The following MCF2L2 variants were observed in gnomAD, a reference collection of about 807,000 sequenced individuals.
MCF2L2 encodes MCF.2 cell line derived transforming sequence-like 2, also known as probable guanine nucleotide exchange factor MCF2L2.
Under a neutral mutation model 150.2 loss-of-function variants are expected in MCF2L2, and 102 were observed. The ratio of observed to expected loss-of-function variants is 0.68; its 90% CI spans 0.58 to 0.80. The LOEUF is 0.80. MCF2L2 is among the 30% of genes least tolerant of loss of function. The pLI, the probability that MCF2L2 is intolerant of heterozygous loss-of-function variation, is 0.00. For missense variants in MCF2L2, 1,256 were observed against 1,372.8 expected (o/e 0.91, Z 1.34); for synonymous variants, 465 against 491.3 (o/e 0.95, Z 0.71).
chr3:183,309,615 C>T lies in MCF2L2; in HGVS notation c.1113+101G>A. The stretch of plus-strand genomic sequence containing the variant: ...TGACTGAAGGGCAGGACTGGGCATT[C>T]CTGTGTCCTTTAGCAACCTTCCAAT... On this transcript the variant is annotated intron_variant, in intron 10 of 29. Coordinates refer to ENST00000328913, the MANE Select transcript of MCF2L2 (RefSeq NM_015078.4). 2.7e-6 allele frequency: 4 copies of T among 1,501,410 alleles called. No individual in the cohort carries two copies. In the Admixed American group the frequency reaches 6.8e-5, roughly 26 times the overall value. 93.0% of individuals were successfully genotyped at this position (1,501,410 alleles called of 1,614,324 possible). A position where few individuals can be genotyped will look rare whatever the true frequency, so the allele number is the denominator to read the frequency against.
At chr3:183,265,665 T>G (rs1726038636) in intron 15 of MCF2L2, 1 of 152,248 alleles carries the variant, frequency 6.6e-6, no homozygotes, top group Non-Finnish European at 1.5e-5. Context: ...TATGTTCAAT[T>G]TGGAGGAATT....
chr3:183,229,805 G>A (rs1723480068), intron 16 of MCF2L2, 24 bp from the exon 17 acceptor site: 4 of 1,087,288 alleles, frequency 3.7e-6, no homozygotes, highest in East Asian at 2.5e-5. Context: ...AACAAGGTAG[G>A]TGTTACAAAC....
chr3:183,248,644 G>A (rs752180394), intron 15 of MCF2L2, among the ~76,000 whole-genome samples: 10 of 152,024 alleles, frequency 6.6e-5, no homozygotes, highest in Non-Finnish European at 1.5e-4. Context: ...AGACCAGCCT[G>A]GGCAACATAG....
intron 25 of MCF2L2, among the ~76,000 whole-genome samples, chr3:183,204,713 A>T (rs1359908484): frequency 6.6e-6 from 1 of 152,184 alleles, no homozygotes; most frequent in Non-Finnish European, 1.5e-5. Context: ...AAATATCTAC[A>T]GCAGCTTTAC....
intron 25 of MCF2L2, among the ~76,000 whole-genome samples, chr3:183,200,905 G>A (rs1335248214): frequency 6.6e-6 from 1 of 151,952 alleles, no homozygotes; most frequent in Admixed American, 6.6e-5. Flanking sequence ...TCTTGTTTTT[G>A]TCAGGTTTGT....
At chr3:183,330,558 T>C (rs77929141) in intron 5 of MCF2L2, among the ~76,000 whole-genome samples, 5,882 of 152,216 alleles carry the variant, frequency 0.039, 378 homozygotes, top group African/African-American at 0.13. Flanking sequence ...GTGATGGGGC[T>C]GTTCTGTATC....
At chr3:183,193,682 C>T (rs1465954349) in intron 26 of MCF2L2, among the ~76,000 whole-genome samples, 3 of 152,164 alleles carry the variant, frequency 2.0e-5, no homozygotes, top group Non-Finnish European at 4.4e-5. Flanking sequence ...TTTGTCTTCT[C>T]AAAAATGTTT....
At chr3:183,369,048 GA>G (rs1712703110) in intron 3 of MCF2L2, among the ~76,000 whole-genome samples, 1 of 152,144 alleles carries the variant, frequency 6.6e-6, no homozygotes, top group Non-Finnish European at 1.5e-5. Context: ...TGACACAATA[GA>G]ATAGTAAATA....
intron 3 of MCF2L2, among the ~76,000 whole-genome samples, chr3:183,362,628 T>C (rs1160385252): frequency 6.7e-6 from 1 of 150,316 alleles, no homozygotes; most frequent in Non-Finnish European, 1.5e-5. Context: ...AAGATGAGGA[T>C]ACAAATCCCT....
chr3:183,374,327 C>A (rs1361506876), intron 3 of MCF2L2: 1 of 152,210 alleles, frequency 6.6e-6, no homozygotes, highest in African/African-American at 2.4e-5. Context: ...CTCTGTAATT[C>A]CCCAAATATG....
At chr3:183,426,306 A>T (rs1285205324) in intron 1 of MCF2L2, among the ~76,000 whole-genome samples, 1 of 152,208 alleles carries the variant, frequency 6.6e-6, no homozygotes, top group East Asian at 1.9e-4. Context: ...GACCTTTAAA[A>T]TCATCCAGGT....
intron 10 of MCF2L2, among the ~76,000 whole-genome samples, chr3:183,304,590 C>G (rs1014405927): frequency 6.6e-6 from 1 of 151,332 alleles, no homozygotes; most frequent in South Asian, 2.1e-4. Context: ...CTCAGCCTCC[C>G]GAGTAGCTGG....
chr3:183,216,989 T>C (rs1722967858), intron 21 of MCF2L2, among the ~76,000 whole-genome samples: 1 of 150,268 alleles, frequency 6.7e-6, no homozygotes. Context: ...TCCCTGGGGC[T>C]TACTGAAAAA....
At chr3:183,409,657 T>C (rs1179816265) in intron 1 of MCF2L2, among the ~76,000 whole-genome samples, 2 of 150,118 alleles carry the variant, frequency 1.3e-5, no homozygotes, top group East Asian at 3.9e-4. Context: ...TGGGTTCAAG[T>C]GATTCTCCAG....
intron 26 of MCF2L2, 94 bp from the exon 27 acceptor site, chr3:183,193,190 T>C: frequency 9.8e-7 from 1 of 1,017,080 alleles, no homozygotes; most frequent in East Asian, 2.4e-5. Flanking sequence ...CCACCTAGTG[T>C]ATCTCTGGTC....
chr3:183,393,365 G>C (rs1393380072), intron 1 of MCF2L2, among the ~76,000 whole-genome samples: 1 of 151,732 alleles, frequency 6.6e-6, no homozygotes, highest in Non-Finnish European at 1.5e-5. Flanking sequence ...GGCTAATTTT[G>C]TATTTTCAGT....
intron 11 of MCF2L2, chr3:183,299,752 C>G (rs1442449612): frequency 2.3e-6 from 1 of 439,564 alleles, no homozygotes; most frequent in Non-Finnish European, 4.0e-6. Flanking sequence ...TAAAGTCCGG[C>G]TCCACACAGA....
chr3:183,365,217 TC>T lies in MCF2L2; in HGVS notation c.275+14079del, dbSNP rs1256127885. Among the ~76,000 whole-genome samples, 23 of 152,336 alleles carry T rather than the reference TC, an allele frequency of 1.5e-4. 3 individuals carry two copies. In the Middle Eastern group the frequency reaches 0.01, roughly 68 times the overall value. On this transcript the variant is annotated intron_variant, in intron 3 of 29. Coordinates refer to ENST00000328913, the MANE Select transcript of MCF2L2 (RefSeq NM_015078.4). Reference sequence around the variant, plus strand: ...AGACTTGAACAAATAGAAAGACACTTCTTTTTGATAGGATGATTTTAACACC... The same window carrying T: ...AGACTTGAACAAATAGAAAGACACTTTTTTTGATAGGATGATTTTAACACC...
intron 3 of MCF2L2, among the ~76,000 whole-genome samples, chr3:183,343,894 G>A (rs77938169): frequency 0.047 from 7,221 of 152,170 alleles, 198 homozygotes; most frequent in East Asian, 0.12. Flanking sequence ...CTATTAGCCA[G>A]GTGCAGTGGC....
Sources: gnomAD v4.1 joint callset for allele counts (sites outside exome capture counted in the v4.1 genomes callset) on GRCh38, gnomAD v4.1.1 for gene constraint, MANE v1.5 for transcripts, NCBI Gene and HGNC (gene_info 2026-07-23, HGNC 2026-07-21) for gene names.